Variants in MMP9 observed in about 807,000 individuals in gnomAD.
MMP9 encodes the protein matrix metalloproteinase-9.
MMP9 carries 73 observed loss-of-function variants against 76.4 expected under a neutral mutation model. The ratio of observed to expected loss-of-function variants is 0.96; its 90% CI spans 0.79 to 1.16. The LOEUF (loss-of-function observed/expected upper bound fraction) is 1.16, where lower values mean the gene tolerates loss of function less well. MMP9 is among the 50% of genes most tolerant of loss of function. The probability of loss-of-function intolerance (pLI) is 0.00; values close to 1 mark genes in which losing one functional copy is unlikely to be tolerated. For synonymous variants in MMP9, 412 were observed against 408.4 expected, an observed-to-expected ratio of 1.01 and a Z score of -0.11; for missense variants, 943 against 973.0, an observed-to-expected ratio of 0.97 and a Z score of 0.41.
At chr20:46,011,916 A>G (rs2084282495) in intron 6 of MMP9, among the ~76,000 whole-genome samples, 169 bp downstream of exon 6, 1 of 151,846 alleles carries the variant, frequency 6.6e-6, no homozygotes, top group Admixed American at 6.5e-5. Flanking sequence ...CTGACTTCCA[A>G]TGGCCCCGCC....
In MMP9 at chr20:46,012,208, G is replaced by C. The variant is rs2084284853; in HGVS notation, c.1069G>C (p.Glu357Gln). Reference sequence around the variant, plus strand: ...CTTCCCCTTCACTTTCCTGGGTAAGGAGTACTCGACCTGTACCAGCGAGGG... The same window carrying C: ...CTTCCCCTTCACTTTCCTGGGTAAGCAGTACTCGACCTGTACCAGCGAGGG... ...CVFPFTFLGK[E>Q]YSTCTSEGRG... The change falls in exon 7 of 13, where the codon GAG (glutamate) becomes CAG (glutamine). Residue 357 changes from glutamate to glutamine, a missense_variant. By Grantham distance (29) the Glu-to-Gln change is conservative (BLOSUM62 2). Coordinates refer to ENST00000372330, the MANE Select transcript of MMP9 (RefSeq NM_004994.3). 9 of 1,614,074 alleles carry C rather than the reference G, an allele frequency of 5.6e-6. No individual in the cohort carries two copies. Among genetic ancestry groups the C allele is most frequent in the Non-Finnish European group, 7.6e-6 (9 of 1,180,060 alleles).
rs745895946 is a variant in MMP9, at chr20:46,013,032, A to T, written c.1331-223A>T. 1.8e-4 allele frequency among the ~76,000 whole-genome samples: 27 copies of T among 152,154 alleles called. No homozygotes were observed. The highest frequency in any genetic ancestry group is 3.4e-4 in the Non-Finnish European group (23 of 68,042). ...CTTGAGCCCAGGAGTTCGAGGCTGTAGTGAGCTATGATTGCACCACTGCAT... is the reference window on the plus strand; with the variant it reads ...CTTGAGCCCAGGAGTTCGAGGCTGTTGTGAGCTATGATTGCACCACTGCAT... On this transcript the variant is annotated intron_variant, in intron 8 of 12. Coordinates refer to ENST00000372330, the MANE Select transcript of MMP9 (RefSeq NM_004994.3). This position sits in a 1 kb window ranked among gnomAD's most constrained non-coding sequence, Gnocchi z 4.5.
chr20:46,010,284 G>A (rs1406014305), intron 2 of MMP9, among the ~76,000 whole-genome samples, 186 bp downstream of exon 2: 1 of 143,034 alleles, frequency 7.0e-6, no homozygotes, highest in African/African-American at 2.7e-5. Flanking sequence ...TGCAATCCAA[G>A]TCCTCCTGCC....
chr20:46,016,203 G>A, intron 12 of MMP9, 47 bp from the exon 13 acceptor site: 2 of 1,497,938 alleles, frequency 1.3e-6, no homozygotes, highest in Non-Finnish European at 1.9e-6. Flanking sequence ...TTCTGTATAT[G>A]TGGGAGAATT....
At position 46,016,456 on chromosome 20, in the gene MMP9, A is replaced by G; in HGVS notation, c.*88A>G. On this transcript the variant is annotated 3_prime_UTR_variant, in exon 13 of 13. Coordinates refer to ENST00000372330, the MANE Select transcript of MMP9 (RefSeq NM_004994.3). ...GCCAGTTTGCCGGATACAAACTGGTATTCTGTTCTGGAGGAAAGGGAGGAG... is the reference window on the plus strand; with the variant it reads ...GCCAGTTTGCCGGATACAAACTGGTGTTCTGTTCTGGAGGAAAGGGAGGAG... 9.3e-7 allele frequency: 1 copy of G among 1,070,100 alleles called. No homozygotes were observed. Among genetic ancestry groups the G allele is most frequent in the Non-Finnish European group, 1.5e-6 (1 of 686,470 alleles). 66.3% of individuals were successfully genotyped at this position (1,070,100 alleles called of 1,614,324 possible).
chr20:46,009,542 T>C (rs1046939040), intron 1 of MMP9, among the ~76,000 whole-genome samples: 1 of 152,036 alleles, frequency 6.6e-6, no homozygotes, highest in African/African-American at 2.4e-5. Context: ...ATCCCAGCAC[T>C]TTGGGAGGCT....
rs1490219180 is a variant in MMP9 at position 46,012,298 on chromosome 20, T to G, written c.1159T>G (p.Phe387Val). ...CTTTGACAGCGACAAGAAGTGGGGC[T>G]TCTGCCCGGACCAAGGTAGGCGTGG... ...SNFDSDKKWG[F>V]CPDQGYSLFL... is the part of the protein sequence containing the mutation. The change falls in exon 7 of 13, where the codon TTC (phenylalanine) becomes GTC (valine). Residue 387 changes from phenylalanine (F) to valine (V), a missense_variant. Coordinates refer to ENST00000372330, the MANE Select transcript of MMP9 (RefSeq NM_004994.3). 1.3e-5 allele frequency: 21 copies of G among 1,613,426 alleles called. No homozygotes were observed. In the Admixed American group the frequency reaches 2.8e-4, roughly 22 times the overall value.
rs757086651 is a variant in MMP9, at chr20:46,011,066, C to T, written c.649+16C>T. The T allele has an allele frequency of 5.0e-6, 8 of 1,613,732 alleles. No homozygotes were observed. Among genetic ancestry groups the T allele is most frequent in the Non-Finnish European group, 6.8e-6 (8 of 1,180,032 alleles). The stretch of plus-strand genomic sequence containing the variant: ...AAGGGCGTCGGTGAGATTCTGAGTC[C>T]TCCTGGCCCCTGATTCCCTTCATTC... On this transcript the variant is annotated intron_variant, in intron 4 of 12. Transcript: ENST00000372330.
chr20:46,013,939 C>T lies in MMP9; in HGVS notation c.1750+143C>T. The T allele has an allele frequency of 7.1e-7, 1 of 1,411,450 alleles. No individual in the cohort carries two copies. The highest frequency in any genetic ancestry group is 9.6e-7 in the Non-Finnish European group (1 of 1,037,608). The allele number at this position is 1,411,450 out of a possible 1,614,324, so 87.4% of individuals were successfully genotyped here. On this transcript the variant is annotated intron_variant, in intron 10 of 12. Transcript: ENST00000372330. The surrounding 1 kb of genome is among the most constrained non-coding windows in gnomAD (Gnocchi z 4.5). ...GGACGCAGTTTAGCAAACGTAGGGGCGGCTGAGTTTCTGCCCCCTCCTCTC... is the reference window on the plus strand; with the variant it reads ...GGACGCAGTTTAGCAAACGTAGGGGTGGCTGAGTTTCTGCCCCCTCCTCTC...
At chr20:46,015,049 G>A (rs1443583523) in intron 12 of MMP9, among the ~76,000 whole-genome samples, 1 of 152,120 alleles carries the variant, frequency 6.6e-6, no homozygotes, top group Non-Finnish European at 1.5e-5. Flanking sequence ...GGCTGTCCAG[G>A]ACCTTTAACA....
rs2084264903 is a variant in MMP9 at position 46,009,993 on chromosome 20, C to T, written c.266C>T (p.Ala89Val). Residue 89 changes from alanine to valine, a missense_variant, in exon 2 of 13, where the codon GCC becomes GTC. Transcript: ENST00000372330. ...CCCGAGACCGGTGAGCTGGATAGCG[C>T]CACGCTGAAGGCCATGCGAACCCCA... Reference protein sequence around the residue: ...SLPETGELDSATLKAMRTPRC... With the variant: ...SLPETGELDSVTLKAMRTPRC... The T allele has an allele frequency of 6.4e-7, 1 of 1,551,608 alleles. No homozygotes were observed. The highest frequency in any genetic ancestry group is 2.0e-5 in the Admixed American group (1 of 50,990).
chr20:46,014,711 A>G (rs1853534518), intron 12 of MMP9: 2 of 585,836 alleles, frequency 3.4e-6, no homozygotes, highest in Non-Finnish European at 3.0e-6. Flanking sequence ...CCTTCAGTAC[A>G]GGACGGCAGG....
Position 46,013,139 on chromosome 20 carries a change from T to C in MMP9, c.1331-116T>C. On this transcript the variant is annotated intron_variant, in intron 8 of 12. Coordinates refer to ENST00000372330, the MANE Select transcript of MMP9 (RefSeq NM_004994.3). This position sits in a 1 kb window ranked among gnomAD's most constrained non-coding sequence, Gnocchi z 4.5. Reference sequence around the variant, plus strand: ...CTGTGGTTTGGGAAGGGAGGCTGAGTGAGGAGGGGCCTGTGTGCCAGAGGA... The same window carrying C: ...CTGTGGTTTGGGAAGGGAGGCTGAGCGAGGAGGGGCCTGTGTGCCAGAGGA... 1 of 1,224,784 alleles carries C rather than the reference T, an allele frequency of 8.2e-7. No homozygotes were observed. The highest frequency in any genetic ancestry group is 1.5e-5 in the African/African-American group (1 of 67,294). 75.9% of individuals were successfully genotyped at this position (1,224,784 alleles called of 1,614,324 possible). A position where few individuals can be genotyped will look rare whatever the true frequency, so the allele number is the denominator to read the frequency against.
intron 11 of MMP9, 43 bp from the exon 12 acceptor site, chr20:46,014,328 C>A (rs747403518): frequency 1.3e-6 from 2 of 1,541,230 alleles, no homozygotes; most frequent in South Asian, 2.4e-5. Flanking sequence ...TCGGTCCGTC[C>A]GCTAGCCGGC....
At position 46,010,093 on chromosome 20, in the gene MMP9, C is replaced by A. The variant is rs200290957; in HGVS notation, c.366C>A (p.Thr122=). ...TCAAGTGGCACCACCACAACATCAC[C>A]TATTGGTGAGCCGGGGCCGTGGGGG... ...GDLKWHHHNI[T]YWIQNYSEDL... is the part of the protein sequence containing the mutation. Residue 122 remains threonine, a synonymous_variant, in exon 2 of 13, where the codon ACC becomes ACA. Coordinates refer to ENST00000372330, the MANE Select transcript of MMP9 (RefSeq NM_004994.3). The A allele has an allele frequency of 9.0e-5, 139 of 1,541,978 alleles. No homozygotes were observed. In the African/African-American group the frequency reaches 1.7e-3, roughly 18 times the overall value.
In MMP9 at chr20:46,011,883, ACAC is replaced by A. The variant is rs1201008234; in HGVS notation, c.997+140_997+142del. 2.6e-6 allele frequency: 3 copies of A among 1,157,254 alleles called. No individual in the cohort carries two copies. In the African/African-American group the frequency reaches 4.6e-5, roughly 18 times the overall value. The allele number at this position is 1,157,254 out of a possible 1,614,324, so 71.7% of individuals were successfully genotyped here. A position where few individuals can be genotyped will look rare whatever the true frequency, so the allele number is the denominator to read the frequency against. ...AGGACGACCGTGACTCCGCCCACCT[ACAC>A]CACATTTCCACCACTATCCCTGACT... On this transcript the variant is annotated intron_variant, in intron 6 of 12. Coordinates refer to ENST00000372330, the MANE Select transcript of MMP9 (RefSeq NM_004994.3).
Position 46,013,699 on chromosome 20 carries a change from G to C in MMP9, c.1653G>C (p.Gln551His). 3 of 1,613,808 alleles carry C rather than the reference G, an allele frequency of 1.9e-6. No homozygotes were observed. The highest frequency in any genetic ancestry group is 1.7e-6 in the Non-Finnish European group (2 of 1,179,948). ...RFSEGRGSRP[Q>H]GPFLIADKWP... The stretch of plus-strand genomic sequence containing the variant: ...CTGAGGGCAGGGGGAGCCGGCCGCA[G>C]GGCCCCTTCCTTATCGCCGACAAGT... Residue 551 changes from glutamine (Q) to histidine (H), a missense_variant, in exon 10 of 13, where the codon CAG becomes CAC. Coordinates refer to ENST00000372330, the MANE Select transcript of MMP9 (RefSeq NM_004994.3). This position sits in a 1 kb window ranked among gnomAD's most constrained non-coding sequence, Gnocchi z 4.5.
chr20:46,012,517 T>C lies in MMP9; in HGVS notation c.1265T>C (p.Met422Thr), dbSNP rs201131366. ...GTGCCGGAGGCGCTCATGTACCCTA[T>C]GTACCGCTTCACTGAGGGGCCCCCC... ...SSVPEALMYPMYRFTEGPPLH... is the reference protein window; with the variant it reads ...SSVPEALMYPTYRFTEGPPLH... The change falls in exon 8 of 13, where the codon ATG (methionine) becomes ACG (threonine). Residue 422 changes from methionine (M) to threonine (T), a missense_variant. Transcript: ENST00000372330. 4 of 1,613,984 alleles carry C rather than the reference T, an allele frequency of 2.5e-6. No homozygotes were observed. Among genetic ancestry groups the C allele is most frequent in the Middle Eastern group, 3.3e-4 (2 of 6,050 alleles).
At position 46,014,882 on chromosome 20, in the gene MMP9, TG is replaced by T. The variant is rs1852668640; in HGVS notation, c.2005+412del. On this transcript the variant is annotated intron_variant, in intron 12 of 12. Coordinates refer to ENST00000372330, the MANE Select transcript of MMP9 (RefSeq NM_004994.3). ...AGCCTCAGTTTCCCCATCTGTAATA[TG>T]GGGACTATAGCTGGAATTACACTTG... is the stretch of plus-strand genomic sequence containing the variant. 1.5e-5 allele frequency: 3 copies of T among 202,312 alleles called. No homozygotes were observed. In the South Asian group the frequency reaches 2.4e-4, roughly 16 times the overall value. The allele number at this position is 202,312 out of a possible 1,614,324, so 12.5% of individuals were successfully genotyped here. A position where few individuals can be genotyped will look rare whatever the true frequency, so the allele number is the denominator to read the frequency against.
Sources: allele counts gnomAD v4.1 joint callset (sites outside exome capture counted in the v4.1 genomes callset), GRCh38; gene constraint gnomAD v4.1.1; non-coding constraint Gnocchi (gnomAD v3.1); transcripts MANE v1.5; gene names NCBI Gene and HGNC (gene_info 2026-07-23, HGNC 2026-07-21).